Variants in RIMKLB observed in about 807,000 individuals in gnomAD.
RIMKLB encodes ribosomal modification protein rimK like family member B.
A neutral mutation model predicts 32.0 loss-of-function variants in RIMKLB; 7 were observed. That is an observed-to-expected ratio of 0.22 (90% CI 0.12 to 0.41). The LOEUF is 0.41. RIMKLB is among the 10% of genes least tolerant of loss of function. RIMKLB has a pLI of 1.00. For missense variants in RIMKLB, 289 were observed against 498.7 expected, an observed-to-expected ratio of 0.58 and a Z score of 4.00; for synonymous variants, 172 against 185.1, an observed-to-expected ratio of 0.93 and a Z score of 0.57.
At chr12:8,711,617 C>T (rs759244830) in intron 1 of RIMKLB, among the ~76,000 whole-genome samples, 1 of 152,136 alleles carries the variant, frequency 6.6e-6, no homozygotes, top group South Asian at 2.1e-4. Flanking sequence ...GCGCTGCACC[C>T]ACTAACTCAT....
chr12:8,749,559 G>T (rs938506612), intron 2 of RIMKLB, among the ~76,000 whole-genome samples: 8 of 151,996 alleles, frequency 5.3e-5, no homozygotes, highest in African/African-American at 1.9e-4. Context: ...TCTCAGATTT[G>T]CCCTTTAAAA....
chr12:8,732,672 T>G (rs761266637), intron 2 of RIMKLB, among the ~76,000 whole-genome samples: 1 of 152,078 alleles, frequency 6.6e-6, no homozygotes, highest in Non-Finnish European at 1.5e-5. Context: ...GCAGACACTT[T>G]GTGAAGATAA....
At chr12:8,684,346 T>C (rs1307879346) in intron 1 of RIMKLB, among the ~76,000 whole-genome samples, 2 of 152,050 alleles carry the variant, frequency 1.3e-5, no homozygotes, top group Non-Finnish European at 2.9e-5. Context: ...CTAATTTTTG[T>C]ATTTTTAGTA....
rs779735612 is a variant in RIMKLB at position 8,725,084 on chromosome 12, T to C, written c.175+11043T>C. Among the ~76,000 whole-genome samples, 29 of 152,318 alleles carry C rather than the reference T, an allele frequency of 1.9e-4. No individual in the cohort carries two copies. The East Asian group carries it at 4.8e-3, about 25-fold the overall frequency. ...GTTGTTTCTGTGAGATGACAAACAC[T>C]GGACCATCTTATTTCACCAGCTTGC... On this transcript the variant is annotated intron_variant, in intron 2 of 5. Transcript: ENST00000535829.
downstream of RIMKLB, chr12:8,780,479 GTA>G (rs1464515854): frequency 6.6e-5 from 10 of 152,116 alleles, no homozygotes; most frequent in African/African-American, 2.4e-4. Context: ...AAAAGTTGGT[GTA>G]TGTGCAAAAA....
chr12:8,748,604 AT>A (rs1948351645), intron 2 of RIMKLB, among the ~76,000 whole-genome samples: 1 of 146,890 alleles, frequency 6.8e-6, no homozygotes, highest in Non-Finnish European at 1.5e-5. Flanking sequence ...CAATTTATAT[AT>A]TTTTTATATA....
Position 8,698,309 on chromosome 12 carries a change from G to T in RIMKLB, c.-57+12G>T, listed in dbSNP as rs1455747438. On this transcript the variant is annotated intron_variant, in intron 1 of 5. Transcript: ENST00000535829. ...GCCCCCCGACCCAGGTGAGCGGTAC[G>T]ACCGCTGTTGCCCTCGGGTGTAGAG... 6.2e-6 allele frequency: 2 copies of T among 324,670 alleles called. No homozygotes were observed. The highest frequency in any genetic ancestry group is 2.3e-5 in the African/African-American group (1 of 44,018). 20.1% of individuals were successfully genotyped at this position (324,670 alleles called of 1,614,324 possible).
chr12:8,751,992 G>T lies in RIMKLB; in HGVS notation c.442G>T (p.Ala148Ser). Residue 148 changes from alanine to serine, a missense_variant, in exon 4 of 6, where the codon GCT becomes TCT. Around this residue, in one of 3 missense-constraint regions of RIMKLB, gnomAD observed 156 missense variants for 329.5 expected, o/e 0.47. Transcript: ENST00000535829. Reference protein sequence around the residue: ...HENFAKMIDEAEVLEFPMVVK... With the variant: ...HENFAKMIDESEVLEFPMVVK... Reference sequence around the variant, plus strand: ...AAATTTTGCTAAAATGATTGATGAGGCTGAAGTTCTGGAGTTCCCAATGGT... The same window carrying T: ...AAATTTTGCTAAAATGATTGATGAGTCTGAAGTTCTGGAGTTCCCAATGGT... The T allele has an allele frequency of 6.2e-7, 1 of 1,613,772 alleles. No individual in the cohort carries two copies. The highest frequency in any genetic ancestry group is 8.5e-7 in the Non-Finnish European group (1 of 1,179,780).
chr12:8,751,854 CCT>C, intron 3 of RIMKLB, 101 bp from the exon 4 acceptor site: 1 of 729,510 alleles, frequency 1.4e-6, no homozygotes, highest in South Asian at 1.8e-5. Flanking sequence ...CAGGCTCTTA[CCT>C]TCAACTTCCT....
intron 1 of RIMKLB, among the ~76,000 whole-genome samples, chr12:8,713,386 C>T (rs1466395830): frequency 6.6e-6 from 1 of 151,694 alleles, no homozygotes; most frequent in Non-Finnish European, 1.5e-5. Flanking sequence ...TATACTTAAG[C>T]GGGGTTTCTA....
intron 1 of RIMKLB, among the ~76,000 whole-genome samples, chr12:8,682,163 A>G (rs760953362): frequency 2.0e-5 from 3 of 152,218 alleles, no homozygotes; most frequent in Non-Finnish European, 4.4e-5. Context: ...TGCATTAAAA[A>G]ACACATAAAA....
At chr12:8,754,986 C>T (rs1948902389) in intron 5 of RIMKLB, among the ~76,000 whole-genome samples, 1 of 152,176 alleles carries the variant, frequency 6.6e-6, no homozygotes, top group African/African-American at 2.4e-5. Flanking sequence ...GAGCCTCACT[C>T]TGTCACCCAG....
intron 2 of RIMKLB, among the ~76,000 whole-genome samples, chr12:8,736,447 C>T (rs1379779747): frequency 6.6e-6 from 1 of 151,392 alleles, no homozygotes; most frequent in African/African-American, 2.4e-5. Context: ...TTTGCCACTC[C>T]GTGTAGTTTG....
In RIMKLB at chr12:8,774,989, T is replaced by A. The variant is rs1950647796; in HGVS notation, c.*1205T>A. 1 of 985,602 alleles carries A rather than the reference T, an allele frequency of 1.0e-6. No individual in the cohort carries two copies. The allele number at this position is 985,602 out of a possible 1,614,324, so 61.1% of individuals were successfully genotyped here. A position where few individuals can be genotyped will look rare whatever the true frequency, so the allele number is the denominator to read the frequency against. On this transcript the variant is annotated 3_prime_UTR_variant, in exon 6 of 6. Transcript: ENST00000535829. ...TGATGGGAAACAGAGTTTTTGACTT[T>A]AAAAAACAGATGAGTTGTTTTCATA...
intron 4 of RIMKLB, 77 bp from the exon 5 acceptor site, chr12:8,753,813 C>G (rs1948808792): frequency 8.8e-7 from 1 of 1,141,802 alleles, no homozygotes; most frequent in Non-Finnish European, 1.3e-6. Flanking sequence ...GATTGTGATA[C>G]AAGAAGATTC....
In RIMKLB at chr12:8,773,797, T is replaced by G; in HGVS notation, c.*13T>G. 6.3e-7 allele frequency: 1 copy of G among 1,593,898 alleles called. No individual in the cohort carries two copies. Among genetic ancestry groups the G allele is most frequent in the Non-Finnish European group, 8.6e-7 (1 of 1,168,068 alleles). On this transcript the variant is annotated 3_prime_UTR_variant, in exon 6 of 6. Transcript: ENST00000535829. The stretch of plus-strand genomic sequence containing the variant: ...ACTGGTGGACTGACTCCACTGGTAA[T>G]TAACCAACAAAACCCTTGTAAAACT...
intron 1 of RIMKLB, among the ~76,000 whole-genome samples, chr12:8,686,548 C>T (rs1189492796): frequency 1.3e-5 from 2 of 151,608 alleles, no homozygotes; most frequent in African/African-American, 4.9e-5. Flanking sequence ...GGCGCGATCT[C>T]GGCTCACTGC....
chr12:8,697,357 T>C (rs1410175208), upstream of RIMKLB: 2 of 152,460 alleles, frequency 1.3e-5, no homozygotes, highest in Admixed American at 1.3e-4. Context: ...TGTCTCCATA[T>C]CTTTGCCTAC....
intron 5 of RIMKLB, among the ~76,000 whole-genome samples, chr12:8,771,800 T>C (rs183101730): frequency 4.4e-4 from 67 of 152,348 alleles, no homozygotes; most frequent in African/African-American, 1.5e-3. Flanking sequence ...GGAAAATGTC[T>C]TCATTAATTA....
Sources: gnomAD v4.1 joint callset for allele counts (sites outside exome capture counted in the v4.1 genomes callset) on GRCh38, gnomAD v4.1.1 for gene constraint, gnomAD v4.1.1 regional missense constraint, MANE v1.5 for transcripts, NCBI Gene and HGNC (gene_info 2026-07-23, HGNC 2026-07-21) for gene names.